The following RAB33A variants were observed in gnomAD, a reference collection of about 807,000 sequenced individuals.
The protein encoded by RAB33A is ras-related protein Rab-33A.
A neutral mutation model predicts 12.0 loss-of-function variants in RAB33A; 6 were observed. The ratio of observed to expected loss-of-function variants is 0.50; its 90% CI spans 0.27 to 0.99. The LOEUF is 0.99. Ranked by LOEUF, RAB33A falls within the 50% of genes least tolerant of loss-of-function variation. The pLI, the probability that RAB33A is intolerant of heterozygous loss-of-function variation, is 0.11. For synonymous variants in RAB33A, 70 were observed against 82.4 expected (o/e 0.85, Z 0.81); for missense variants, 109 against 192.0 (o/e 0.57, Z 2.55).
intron 1 of RAB33A, among the ~76,000 whole-genome samples, chrX:130,175,049 C>G (rs1410771054): frequency 3.6e-5 from 4 of 111,453 alleles, no homozygotes; most frequent in Non-Finnish European, 7.5e-5. Flanking sequence ...AGAGCCCAGG[C>G]TAGGCACTTT....
At chrX:130,172,438 G>A in intron 1 of RAB33A, 118 bp downstream of exon 1, 1 of 955,065 alleles carries the variant, frequency 1.0e-6, no homozygotes, top group Non-Finnish European at 1.4e-6. Flanking sequence ...GCCTCTTGCT[G>A]AGCCGAGGAC....
the RAB33A span, chrX:130,138,180 A>T: frequency 6.2e-6 from 1 of 161,904 alleles, no homozygotes; most frequent in African/African-American, 3.1e-5. Context: ...ATAAACCTTA[A>T]TTAGGCTGGG....
chrX:130,129,902 A>T, the RAB33A span: 15 of 1,169,340 alleles, frequency 1.3e-5, no homozygotes, highest in Non-Finnish European at 1.6e-5. Context: ...AGGGCACCCG[A>T]TGAAGTTACA....
At chrX:130,144,912 T>C in the RAB33A span, among the ~76,000 whole-genome samples, 1 of 112,081 alleles carries the variant, frequency 8.9e-6, no homozygotes, top group Admixed American at 9.5e-5. Flanking sequence ...CTTCCACTTA[T>C]GCTGTGTATC....
chrX:130,181,141 G>A (rs1305413899), intron 1 of RAB33A, among the ~76,000 whole-genome samples: 4 of 108,907 alleles, frequency 3.7e-5, no homozygotes, highest in Non-Finnish European at 7.6e-5. Context: ...GCCGAGGGCC[G>A]AGGGACACAG....
the RAB33A span, chrX:130,130,093 T>C: frequency 8.3e-6 from 10 of 1,210,090 alleles, no homozygotes; most frequent in East Asian, 2.7e-4. Flanking sequence ...CCTGTGGAAC[T>C]GCCGGGGTGC....
the RAB33A span, among the ~76,000 whole-genome samples, chrX:130,121,237 TTTTTC>T: frequency 1.2e-3 from 135 of 110,376 alleles, no homozygotes; most frequent in Admixed American, 2.0e-3. Context: ...TCCTTTCTTT[TTTTTC>T]TTTTCTTTTC....
chrX:130,162,083 A>G, the RAB33A span, among the ~76,000 whole-genome samples: 1 of 112,339 alleles, frequency 8.9e-6, no homozygotes, highest in Non-Finnish European at 1.9e-5. Context: ...ATGCTGTACT[A>G]GGGTTCAGTC....
the RAB33A span, chrX:130,137,888 C>A: frequency 3.0e-6 from 1 of 328,748 alleles, no homozygotes; most frequent in Non-Finnish European, 4.2e-6. Flanking sequence ...CATGGAGAAA[C>A]CCTGTCTCTA....
At chrX:130,143,989 A>T in the RAB33A span, among the ~76,000 whole-genome samples, 3 of 111,962 alleles carry the variant, frequency 2.7e-5, no homozygotes, top group African/African-American at 9.8e-5. Flanking sequence ...ATGTGAGTTT[A>T]GGCAAATTAT....
chrX:130,158,284 A>C, the RAB33A span, among the ~76,000 whole-genome samples: 1 of 111,841 alleles, frequency 8.9e-6, no homozygotes, highest in Admixed American at 9.5e-5. Context: ...AAAAGAGAAA[A>C]AGAAAAAAGA....
At chrX:130,165,840 A>G in the RAB33A span, 1 of 490,733 alleles carries the variant, frequency 2.0e-6, no homozygotes, top group African/African-American at 2.3e-5. Flanking sequence ...GGGAAGGGGA[A>G]CGGCGACCGG....
chrX:130,121,592 C>T, the RAB33A span, among the ~76,000 whole-genome samples: 8 of 112,451 alleles, frequency 7.1e-5, no homozygotes, highest in Non-Finnish European at 1.5e-4. Flanking sequence ...GCTCTGGGCT[C>T]CCCGGGAAGG....
the RAB33A span, chrX:130,165,666 C>T: frequency 8.5e-7 from 1 of 1,178,072 alleles, no homozygotes; most frequent in South Asian, 1.9e-5. Flanking sequence ...TTTCGGCGAC[C>T]GCTATTCGGG....
the RAB33A span, among the ~76,000 whole-genome samples, chrX:130,134,326 C>A: frequency 9.0e-6 from 1 of 111,128 alleles, no homozygotes; most frequent in East Asian, 2.8e-4. Context: ...ACTTCCTGTT[C>A]TTTCCTTAAC....
At chrX:130,156,588 C>G in the RAB33A span, 1 of 1,211,346 alleles carries the variant, frequency 8.3e-7, no homozygotes, top group Non-Finnish European at 1.1e-6. Flanking sequence ...AACATGCCAT[C>G]GCTGGAACAA....
chrX:130,155,807 A>G, the RAB33A span, among the ~76,000 whole-genome samples: 1 of 111,882 alleles, frequency 8.9e-6, no homozygotes, highest in Admixed American at 9.5e-5. Context: ...AGTTAGGAAA[A>G]AAACACCCAC....
chrX:130,121,252 CTTTTTTT>C, the RAB33A span, among the ~76,000 whole-genome samples: 51 of 94,762 alleles, frequency 5.4e-4, no homozygotes, highest in Admixed American at 4.4e-3. Context: ...CTTTTCTTTT[CTTTTTTT>C]TTTTTTTTTT....
At chrX:130,182,231 A>AAT (rs970454854) in intron 1 of RAB33A, among the ~76,000 whole-genome samples, 1 of 101,867 alleles carries the variant, frequency 9.8e-6, no homozygotes, top group South Asian at 4.3e-4. Context: ...ATATATATGT[A>AAT]ATATATATAA....
Sources: allele counts gnomAD v4.1 joint callset (sites outside exome capture counted in the v4.1 genomes callset), GRCh38; gene constraint gnomAD v4.1.1; transcripts MANE v1.5; gene names NCBI Gene and HGNC (gene_info 2026-07-23, HGNC 2026-07-21).